Variants in ZMAT4 observed in about 807,000 individuals in gnomAD.
The protein encoded by ZMAT4 is zinc finger matrin-type protein 4.
ZMAT4 carries 17 observed loss-of-function variants against 28.7 expected under a neutral mutation model. That is an observed-to-expected ratio of 0.59 (90% CI 0.41 to 0.89). The LOEUF is 0.89. ZMAT4 is among the 40% of genes least tolerant of loss of function. ZMAT4 has a pLI of 0.00. For synonymous variants in ZMAT4, 117 were observed against 109.2 expected (o/e 1.07, Z -0.44); for missense variants, 240 against 283.8 (o/e 0.85, Z 1.11).
chr8:40,816,661 G>A (rs1394117807), intron 2 of ZMAT4, among the ~76,000 whole-genome samples: 2 of 152,174 alleles, frequency 1.3e-5, no homozygotes, highest in Non-Finnish European at 2.9e-5. Flanking sequence ...AAACCAGAAG[G>A]TTCTATTCTA....
chr8:40,777,390 C>T (rs1236653281), intron 2 of ZMAT4, among the ~76,000 whole-genome samples: 2 of 152,142 alleles, frequency 1.3e-5, no homozygotes, highest in Non-Finnish European at 2.9e-5. Context: ...TGAATTCAGA[C>T]CATAAGGCTG....
chr8:40,812,924 A>G (rs1815380045), intron 2 of ZMAT4, among the ~76,000 whole-genome samples: 4 of 146,580 alleles, frequency 2.7e-5, no homozygotes, highest in Admixed American at 2.1e-4. Context: ...CAAGAGCAAA[A>G]CTCCATCTCA....
At chr8:40,787,863 T>G (rs1814152427) in intron 2 of ZMAT4, among the ~76,000 whole-genome samples, 1 of 152,196 alleles carries the variant, frequency 6.6e-6, no homozygotes, top group Non-Finnish European at 1.5e-5. Flanking sequence ...AATTGTTCAT[T>G]TCTAGAATTT....
chr8:40,569,874 A>T (rs1211290488), intron 6 of ZMAT4, among the ~76,000 whole-genome samples: 1 of 152,110 alleles, frequency 6.6e-6, no homozygotes, highest in Admixed American at 6.5e-5. Flanking sequence ...TTTACAGACA[A>T]CCTTCTGCCA....
At chr8:40,855,463 G>A (rs546120680) in intron 1 of ZMAT4, among the ~76,000 whole-genome samples, 1 of 152,094 alleles carries the variant, frequency 6.6e-6, no homozygotes, top group Non-Finnish European at 1.5e-5. Flanking sequence ...AAACTCCACA[G>A]GTTCTGTAGG....
At chr8:40,628,873 C>T (rs565065574) in intron 5 of ZMAT4, among the ~76,000 whole-genome samples, 1 of 152,132 alleles carries the variant, frequency 6.6e-6, no homozygotes, top group East Asian at 1.9e-4. Flanking sequence ...TACAGAATCA[C>T]TTCTATTAGA....
intron 3 of ZMAT4, among the ~76,000 whole-genome samples, chr8:40,748,057 A>T (rs1363901387): frequency 6.6e-6 from 1 of 152,200 alleles, no homozygotes; most frequent in Non-Finnish European, 1.5e-5. Context: ...ATATTTGCTG[A>T]GCTCTGGAGT....
intron 1 of ZMAT4, among the ~76,000 whole-genome samples, chr8:40,848,049 G>A (rs1260962846): frequency 2.6e-5 from 4 of 152,182 alleles, no homozygotes; most frequent in Non-Finnish European, 4.4e-5. Context: ...CGGTTTATCT[G>A]CTGGAACACT....
chr8:40,871,242 G>A (rs142714778), intron 1 of ZMAT4, among the ~76,000 whole-genome samples: 39 of 152,192 alleles, frequency 2.6e-4, no homozygotes, highest in Middle Eastern at 3.4e-3. Flanking sequence ...CAAATAAAGA[G>A]GCCCAAGAAG....
intron 5 of ZMAT4, among the ~76,000 whole-genome samples, chr8:40,605,689 G>C (rs907652684): frequency 1.3e-5 from 2 of 152,086 alleles, no homozygotes; most frequent in Non-Finnish European, 2.9e-5. Flanking sequence ...ATTTGTTCTA[G>C]GGTATAGTTT....
intron 5 of ZMAT4, among the ~76,000 whole-genome samples, chr8:40,661,803 A>G (rs1808208770): frequency 6.6e-6 from 1 of 152,198 alleles, no homozygotes; most frequent in African/African-American, 2.4e-5. Context: ...CTCCTGCAAA[A>G]TACTACACCC....
At chr8:40,885,054 G>A (rs534259818) in intron 1 of ZMAT4, 1 of 151,828 alleles carries the variant, frequency 6.6e-6, no homozygotes, top group South Asian at 2.1e-4. Context: ...CTCCCTAGGT[G>A]ATCTCACAGA....
At chr8:40,653,734 G>A (rs1807789771) in intron 5 of ZMAT4, among the ~76,000 whole-genome samples, 2 of 152,128 alleles carry the variant, frequency 1.3e-5, no homozygotes, top group African/African-American at 4.8e-5. Flanking sequence ...GAATGTGTGA[G>A]TAGACTTATA....
At chr8:40,646,122 T>G (rs945881950) in intron 5 of ZMAT4, among the ~76,000 whole-genome samples, 21 of 151,960 alleles carry the variant, frequency 1.4e-4, no homozygotes, top group African/African-American at 4.6e-4. Context: ...GTTTTCAATT[T>G]TATATATTCT....
intron 2 of ZMAT4, among the ~76,000 whole-genome samples, chr8:40,772,205 C>G (rs1337976351): frequency 1.3e-5 from 2 of 152,186 alleles, no homozygotes; most frequent in Non-Finnish European, 2.9e-5. Context: ...AAATTACCAA[C>G]TCTTCCATTT....
At chr8:40,745,860 A>G (rs1450253815) in intron 3 of ZMAT4, among the ~76,000 whole-genome samples, 1 of 152,178 alleles carries the variant, frequency 6.6e-6, no homozygotes, top group Non-Finnish European at 1.5e-5. Context: ...CACTCAATAT[A>G]TATGTTATTG....
intron 5 of ZMAT4, among the ~76,000 whole-genome samples, chr8:40,609,272 A>C (rs1212471446): frequency 1.3e-5 from 2 of 152,244 alleles, no homozygotes; most frequent in East Asian, 3.8e-4. Context: ...TATGGGAAAA[A>C]GTCTCTGAAT....
chr8:40,590,940 T>C (rs1804873895), intron 5 of ZMAT4, among the ~76,000 whole-genome samples: 1 of 152,160 alleles, frequency 6.6e-6, no homozygotes, highest in African/African-American at 2.4e-5. Flanking sequence ...AGCTCATGTG[T>C]CAATTATGAT....
intron 5 of ZMAT4, among the ~76,000 whole-genome samples, chr8:40,604,812 T>A (rs997616423): frequency 6.6e-6 from 1 of 152,226 alleles, no homozygotes; most frequent in South Asian, 2.1e-4. Context: ...AATTCTTCTA[T>A]GAATGTCTAA....
Sources: allele counts gnomAD v4.1 joint callset (sites outside exome capture counted in the v4.1 genomes callset), GRCh38; gene constraint gnomAD v4.1.1; transcripts MANE v1.5; gene names NCBI Gene and HGNC (gene_info 2026-07-23, HGNC 2026-07-21).